KLF12: variants seen among roughly 807,000 people sequenced by gnomAD.
KLF12 encodes KLF transcription factor 12.
A neutral mutation model predicts 37.8 loss-of-function variants in KLF12; 9 were observed. That is an observed-to-expected ratio of 0.24 (90% CI 0.14 to 0.42). KLF12 has a LOEUF of 0.42. Among genes scored for constraint, KLF12 ranks in the 10% least tolerant of loss-of-function variants. The probability of loss-of-function intolerance (pLI) is 1.00; values close to 1 mark genes in which losing one functional copy is unlikely to be tolerated. For missense variants in KLF12, 411 were observed against 516.0 expected, an observed-to-expected ratio of 0.80 and a Z score of 1.97; for synonymous variants, 208 against 202.1, an observed-to-expected ratio of 1.03 and a Z score of -0.25.
At position 73,947,648 on chromosome 13, in the gene KLF12, CAAAAAAAAAAA is replaced by C. The variant is rs11378611; in HGVS notation, c.34-3589_34-3579del. On this transcript the variant is annotated intron_variant, in intron 2 of 7. Coordinates refer to ENST00000377669, the MANE Select transcript of KLF12 (RefSeq NM_007249.5). ...CCTGAGCGACAGAGGGAGACGGTCT[CAAAAAAAAAAA>C]AAAAAAAAAGAGTTGGCAACACAGT... Among the ~76,000 whole-genome samples, 602 of 85,904 alleles carry C rather than the reference CAAAAAAAAAAA, an allele frequency of 7.0e-3. 6 individuals carry two copies. Among genetic ancestry groups the C allele is most frequent in the East Asian group, 0.053 (155 of 2,940 alleles). 56.4% of individuals were successfully genotyped at this position (85,904 alleles called of 152,430 possible). A position where few individuals can be genotyped will look rare whatever the true frequency, so the allele number is the denominator to read the frequency against.
At chr13:74,156,651 A>G in the KLF12 span, among the ~76,000 whole-genome samples, 1 of 150,554 alleles carries the variant, frequency 6.6e-6, no homozygotes, top group Admixed American at 6.6e-5. Flanking sequence ...ATGTCTGGTA[A>G]CAATCCTTCT....
intron 2 of KLF12, among the ~76,000 whole-genome samples, chr13:73,988,384 C>T (rs1034127428): frequency 2.6e-5 from 4 of 152,190 alleles, no homozygotes; most frequent in Non-Finnish European, 5.9e-5. Flanking sequence ...ACTGTAGAAA[C>T]TTATCTGCCC....
At chr13:74,231,163 A>G in the KLF12 span, among the ~76,000 whole-genome samples, 1 of 152,110 alleles carries the variant, frequency 6.6e-6, no homozygotes, top group Non-Finnish European at 1.5e-5. Flanking sequence ...AAAGTCAGGT[A>G]AATGTCACTC....
intron 3 of KLF12, among the ~76,000 whole-genome samples, chr13:73,877,267 C>G (rs909166339): frequency 6.6e-6 from 1 of 152,134 alleles, no homozygotes; most frequent in Non-Finnish European, 1.5e-5. Context: ...AAAATCCTAT[C>G]AATCAGACCG....
intron 3 of KLF12, among the ~76,000 whole-genome samples, chr13:73,909,359 C>A (rs1011892857): frequency 2.0e-5 from 3 of 152,150 alleles, no homozygotes; most frequent in African/African-American, 7.2e-5. Context: ...CTCCGTATAA[C>A]TTCCAAAGTT....
chr13:73,720,599 C>T (rs946491001), intron 6 of KLF12, among the ~76,000 whole-genome samples: 1 of 152,192 alleles, frequency 6.6e-6, no homozygotes, highest in Non-Finnish European at 1.5e-5. Context: ...GGGGGCCTCA[C>T]AGGTACCACG....
chr13:74,122,777 C>T (rs1486480551), intron 1 of KLF12, among the ~76,000 whole-genome samples: 1 of 151,668 alleles, frequency 6.6e-6, no homozygotes, highest in African/African-American at 2.4e-5. Flanking sequence ...AAAAGAGTTT[C>T]AAAAAAACTC....
chr13:74,064,490 A>G (rs1873794417), intron 1 of KLF12, among the ~76,000 whole-genome samples: 1 of 152,238 alleles, frequency 6.6e-6, no homozygotes, highest in African/African-American at 2.4e-5. Flanking sequence ...CCAGTGACTT[A>G]CAAAATTTGG....
At chr13:74,031,693 T>TC (rs1157609875) in intron 1 of KLF12, among the ~76,000 whole-genome samples, 2 of 152,138 alleles carry the variant, frequency 1.3e-5, no homozygotes, top group African/African-American at 4.8e-5. Context: ...GTTAATATCA[T>TC]GATAGATATT....
At chr13:74,094,803 T>C (rs1012051679) in intron 1 of KLF12, among the ~76,000 whole-genome samples, 50 of 152,242 alleles carry the variant, frequency 3.3e-4, no homozygotes, top group Middle Eastern at 3.4e-3. Context: ...TTTCGCCACG[T>C]TGGCCAGGCT....
chr13:73,914,111 C>G (rs1488149380), intron 3 of KLF12, among the ~76,000 whole-genome samples: 1 of 151,834 alleles, frequency 6.6e-6, no homozygotes, highest in Non-Finnish European at 1.5e-5. Context: ...CCTTTGCCTT[C>G]CATCCTATAC....
At chr13:74,127,356 G>C (rs897977579) in intron 1 of KLF12, among the ~76,000 whole-genome samples, 1 of 152,216 alleles carries the variant, frequency 6.6e-6, no homozygotes, top group African/African-American at 2.4e-5. Context: ...GGGTGGAAAA[G>C]ACCATGATAG....
chr13:74,142,152 G>A, the KLF12 span, among the ~76,000 whole-genome samples: 5 of 152,174 alleles, frequency 3.3e-5, no homozygotes, highest in Admixed American at 3.3e-4. Context: ...ATCCATGTGT[G>A]ATTTACCTAA....
At chr13:73,698,435 A>G (rs1874303165) in intron 7 of KLF12, among the ~76,000 whole-genome samples, 1 of 152,124 alleles carries the variant, frequency 6.6e-6, no homozygotes, top group South Asian at 2.1e-4. Flanking sequence ...TGAGTCACTT[A>G]AAATTCTCTA....
chr13:74,021,569 C>G (rs948404091), intron 1 of KLF12, among the ~76,000 whole-genome samples: 1 of 152,114 alleles, frequency 6.6e-6, no homozygotes, highest in African/African-American at 2.4e-5. Flanking sequence ...CATGGGAGAG[C>G]TGACTGCACA....
At chr13:74,050,745 AC>A (rs1311545368) in intron 1 of KLF12, among the ~76,000 whole-genome samples, 5 of 152,228 alleles carry the variant, frequency 3.3e-5, no homozygotes, top group Non-Finnish European at 7.3e-5. Flanking sequence ...CTAAAAAGCT[AC>A]ACCACAAAGG....
chr13:73,957,499 G>A (rs188650763), intron 2 of KLF12, among the ~76,000 whole-genome samples: 2 of 152,210 alleles, frequency 1.3e-5, no homozygotes, highest in Admixed American at 1.3e-4. Flanking sequence ...TACTAAATTA[G>A]CCTCAGAAGT....
intron 7 of KLF12, among the ~76,000 whole-genome samples, chr13:73,699,875 T>C (rs574459980): frequency 1.3e-5 from 2 of 152,174 alleles, no homozygotes; most frequent in East Asian, 1.9e-4. Context: ...TGATCAAGTG[T>C]AATAAACAAT....
chr13:73,804,605 G>A (rs1882462825), intron 5 of KLF12, among the ~76,000 whole-genome samples: 1 of 152,042 alleles, frequency 6.6e-6, no homozygotes, highest in Non-Finnish European at 1.5e-5. Context: ...TAATGGCAAA[G>A]CATATACTTT....
Sources: allele counts gnomAD v4.1 joint callset (sites outside exome capture counted in the v4.1 genomes callset), GRCh38; gene constraint gnomAD v4.1.1; transcripts MANE v1.5; gene names NCBI Gene and HGNC (gene_info 2026-07-23, HGNC 2026-07-21).